The following PNPLA8 variants were observed in gnomAD, a reference collection of about 807,000 sequenced individuals.
PNPLA8 encodes patatin like domain 8, phospholipase A2, also known as calcium-independent phospholipase A2-gamma.
In PNPLA8, 39 loss-of-function variants were observed where a neutral mutation model predicts 76.9. The observed-to-expected ratio is 0.51, with a 90% CI of 0.39 to 0.66. The LOEUF (loss-of-function observed/expected upper bound fraction) is 0.66, where lower values mean the gene tolerates loss of function less well. Among genes scored for constraint, PNPLA8 ranks in the 30% least tolerant of loss-of-function variants. The pLI is 0.00. For synonymous variants in PNPLA8, 301 were observed against 307.9 expected, an observed-to-expected ratio of 0.98 and a Z score of 0.24; for missense variants, 887 against 918.0, an observed-to-expected ratio of 0.97 and a Z score of 0.44.
chr7:108,474,123 T>G lies in PNPLA8; in HGVS notation c.2075-1448A>C, dbSNP rs536759376. Among the ~76,000 whole-genome samples the G allele has an allele frequency of 2.6e-5, 4 of 152,338 alleles. No homozygotes were observed. In the South Asian group the frequency reaches 8.3e-4, roughly 32 times the overall value. ...AATATTTTAGTGTATGACTTGCCTT[T>G]TCATTTTATAAAAAGTACCTTTTAA... is the stretch of plus-strand genomic sequence containing the variant. On this transcript the variant is annotated intron_variant, in intron 10 of 10. Transcript: ENST00000257694.
intron 8 of PNPLA8, among the ~76,000 whole-genome samples, chr7:108,488,610 T>C (rs1438724942): frequency 6.6e-6 from 1 of 152,182 alleles, no homozygotes; most frequent in Non-Finnish European, 1.5e-5. Flanking sequence ...ATAAGCACAC[T>C]ATTTTCATAA....
intron 8 of PNPLA8, among the ~76,000 whole-genome samples, chr7:108,489,200 G>C (rs774589799): frequency 1.3e-5 from 2 of 152,164 alleles, no homozygotes; most frequent in South Asian, 2.1e-4. Flanking sequence ...AGATACAGGG[G>C]AACAAGCAAG....
chr7:108,515,346 C>T lies in PNPLA8; in HGVS notation c.146G>A (p.Gly49Asp). 1 of 1,613,618 alleles carries T rather than the reference C, an allele frequency of 6.2e-7. No homozygotes were observed. Among genetic ancestry groups the T allele is most frequent in the South Asian group, 1.1e-5 (1 of 91,064 alleles). ...WRISHISLQR[G>D]FHTNIIRCKW... is the part of the protein sequence containing the mutation. ...ACATCTTATTATGTTTGTATGAAAA[C>T]CTCTTTGTAGACTGATGTGGCTTAT... Residue 49 changes from glycine (G) to aspartate (D), a missense_variant, in exon 3 of 11, where the codon GGT (glycine) becomes GAT (aspartate). Gly to Asp is a moderately conservative substitution (Grantham distance 94). Transcript: ENST00000257694.
chr7:108,497,871 T>C (rs1270182535), intron 5 of PNPLA8, among the ~76,000 whole-genome samples: 2 of 151,754 alleles, frequency 1.3e-5, no homozygotes, highest in Admixed American at 1.3e-4. Context: ...AGTATCTCTT[T>C]AAGAATAAAT....
At chr7:108,474,851 A>T (rs1859873357) in intron 10 of PNPLA8, among the ~76,000 whole-genome samples, 1 of 152,232 alleles carries the variant, frequency 6.6e-6, no homozygotes, top group African/African-American at 2.4e-5. Context: ...TCTTTAAATC[A>T]GCAGATGTAA....
chr7:108,517,504 T>G (rs180956935), intron 2 of PNPLA8, among the ~76,000 whole-genome samples: 2 of 152,170 alleles, frequency 1.3e-5, no homozygotes. Context: ...AACAACAAGA[T>G]GTATTTTAGT....
chr7:108,497,360 A>G, intron 6 of PNPLA8, 123 bp downstream of exon 6: 3 of 595,278 alleles, frequency 5.0e-6, no homozygotes, highest in South Asian at 2.7e-5. Flanking sequence ...AGGAAGTACA[A>G]AATTTTGGGG....
intron 5 of PNPLA8, among the ~76,000 whole-genome samples, chr7:108,502,163 C>T (rs1371152458): frequency 6.6e-6 from 1 of 151,282 alleles, no homozygotes; most frequent in Non-Finnish European, 1.5e-5. Context: ...CATGTTCCAG[C>T]TGGGCGCAGT....
At chr7:108,501,351 T>C (rs571890855) in intron 5 of PNPLA8, among the ~76,000 whole-genome samples, 2 of 152,240 alleles carry the variant, frequency 1.3e-5, no homozygotes, top group Admixed American at 6.5e-5. Context: ...GTAGTAAAAA[T>C]AGAGCTTAAT....
chr7:108,510,211 A>T, intron 4 of PNPLA8: 1 of 1,081,382 alleles, frequency 9.2e-7, no homozygotes, highest in Non-Finnish European at 1.3e-6. Flanking sequence ...ACCGGTAACT[A>T]GCTCTTTTTC....
chr7:108,519,218 C>T (rs910267575), intron 2 of PNPLA8, among the ~76,000 whole-genome samples: 7 of 151,776 alleles, frequency 4.6e-5, no homozygotes, highest in African/African-American at 1.7e-4. Flanking sequence ...AATGGTGAAA[C>T]CTTGTCTCTT....
intron 7 of PNPLA8, among the ~76,000 whole-genome samples, chr7:108,494,488 G>A (rs1861416405): frequency 6.6e-6 from 1 of 152,142 alleles, no homozygotes; most frequent in Non-Finnish European, 1.5e-5. Flanking sequence ...CTTGTGTTAG[G>A]TTGCTTATTC....
rs1444910561 is a variant in PNPLA8 at position 108,514,749 on chromosome 7, G to T, written c.743C>A (p.Ser248Tyr). The T allele has an allele frequency of 6.2e-7, 1 of 1,613,150 alleles. No homozygotes were observed. Among genetic ancestry groups the T allele is most frequent in the South Asian group, 1.1e-5 (1 of 91,060 alleles). Residue 248 changes from serine (S) to tyrosine (Y), a missense_variant, in exon 3 of 11, where the codon TCT (serine) becomes TAT (tyrosine). Coordinates refer to ENST00000257694, the MANE Select transcript of PNPLA8 (RefSeq NM_001256007.3). ...DKKVEEGKLR[S>Y]PDPGILAYKP... is the part of the protein sequence containing the mutation. ...ATAAGCCAGGATGCCAGGATCTGGA[G>T]ATCTTAATTTCCCCTCTTCTACCTT...
At chr7:108,488,676 A>G (rs1051157783) in intron 8 of PNPLA8, among the ~76,000 whole-genome samples, 1 of 152,202 alleles carries the variant, frequency 6.6e-6, no homozygotes, top group Non-Finnish European at 1.5e-5. Flanking sequence ...TTTGACTTCA[A>G]TAACTCTGAA....
At chr7:108,490,783 C>CA (rs775029071) in intron 8 of PNPLA8, among the ~76,000 whole-genome samples, 881 of 86,722 alleles carry the variant, frequency 0.01, 5 homozygotes, top group African/African-American at 0.02. Context: ...GACTCCGTCT[C>CA]AAAAAAAAAA....
At chr7:108,488,033 G>C in intron 8 of PNPLA8, 80 bp from the exon 9 acceptor site, 1 of 756,338 alleles carries the variant, frequency 1.3e-6, no homozygotes, top group Non-Finnish European at 2.2e-6. Context: ...CTATTTAGTA[G>C]TATGAATGAA....
chr7:108,478,117 G>GA (rs1160149770), intron 10 of PNPLA8, among the ~76,000 whole-genome samples: 3 of 152,180 alleles, frequency 2.0e-5, no homozygotes, highest in Non-Finnish European at 4.4e-5. Flanking sequence ...GAGAAATTAA[G>GA]AGTGAGATGA....
At chr7:108,480,605 G>C in intron 9 of PNPLA8, 1 of 243,770 alleles carries the variant, frequency 4.1e-6, no homozygotes. Flanking sequence ...GCTGAGAATT[G>C]TAACAGACCT....
intron 1 of PNPLA8, among the ~76,000 whole-genome samples, chr7:108,525,253 A>G (rs963049957): frequency 1.3e-4 from 20 of 152,248 alleles, no homozygotes; most frequent in African/African-American, 4.8e-4. Context: ...GTTTAACAGC[A>G]TTTTCTTAAT....
Sources: allele counts gnomAD v4.1 joint callset (sites outside exome capture counted in the v4.1 genomes callset), GRCh38; gene constraint gnomAD v4.1.1; transcripts MANE v1.5; gene names NCBI Gene and HGNC (gene_info 2026-07-23, HGNC 2026-07-21).